Variants in DKK2 observed in about 807,000 individuals in gnomAD.
The protein encoded by DKK2 is dickkopf-related protein 2.
Under a neutral mutation model 28.1 loss-of-function variants are expected in DKK2, and 11 were observed. The ratio of observed to expected loss-of-function variants is 0.39; its 90% confidence interval spans 0.25 to 0.65. DKK2 has a LOEUF of 0.65. Among genes scored for constraint, DKK2 ranks in the 30% least tolerant of loss-of-function variants. The pLI is 0.47. For synonymous variants in DKK2, 135 were observed against 126.5 expected (o/e 1.07, Z -0.45); for missense variants, 326 against 335.5 (o/e 0.97, Z 0.22).
chr4:106,986,790 AT>A (rs1723127265), intron 1 of DKK2, among the ~76,000 whole-genome samples: 1 of 152,138 alleles, frequency 6.6e-6, no homozygotes, highest in Admixed American at 6.5e-5. Flanking sequence ...AGAATCCTTG[AT>A]TTATTATTCT....
chr4:107,017,079 T>C (rs1723619504), intron 1 of DKK2, among the ~76,000 whole-genome samples: 1 of 151,962 alleles, frequency 6.6e-6, no homozygotes, highest in African/African-American at 2.4e-5. Context: ...TAAATGAAAT[T>C]AGTTTGTCAT....
intron 1 of DKK2, among the ~76,000 whole-genome samples, chr4:106,998,328 TAGA>T (rs1456828673): frequency 2.0e-5 from 3 of 152,222 alleles, no homozygotes; most frequent in Non-Finnish European, 2.9e-5. Flanking sequence ...AATTTTCTTC[TAGA>T]AGAAGTATAC....
intron 1 of DKK2, among the ~76,000 whole-genome samples, chr4:107,031,355 T>C (rs1247967457): frequency 2.3e-4 from 35 of 151,988 alleles, no homozygotes; most frequent in Admixed American, 2.2e-3. Flanking sequence ...TATTAGAGTA[T>C]ATAGTTTATT....
intron 1 of DKK2, among the ~76,000 whole-genome samples, chr4:106,950,615 C>A (rs1431854787): frequency 6.6e-6 from 1 of 152,062 alleles, no homozygotes; most frequent in African/African-American, 2.4e-5. Context: ...CAGCCATGTT[C>A]ATCTTCCCGC....
intron 1 of DKK2, among the ~76,000 whole-genome samples, chr4:107,001,023 A>G (rs906277817): frequency 1.3e-5 from 2 of 151,952 alleles, no homozygotes; most frequent in African/African-American, 2.4e-5. Context: ...ATTTCTCACC[A>G]TAACATGTGG....
chr4:106,941,261 A>G lies in DKK2; in HGVS notation c.223-15312T>C, dbSNP rs60371426. Reference sequence around the variant, plus strand: ...TAAGTCTGTTTATTTTTCTGGAATAAGTTCTGGATTAAGATCATCATGTCT... The same window carrying G: ...TAAGTCTGTTTATTTTTCTGGAATAGGTTCTGGATTAAGATCATCATGTCT... On this transcript the variant is annotated intron_variant, in intron 1 of 3. Transcript: ENST00000285311. Among the ~76,000 whole-genome samples the G allele has an allele frequency of 4.9e-3, 751 of 152,196 alleles. 4 individuals carry two copies. The highest frequency in any genetic ancestry group is 0.017 in the African/African-American group (700 of 41,536).
At position 106,973,201 on chromosome 4, in the gene DKK2, G is replaced by C. The variant is rs1367950930; in HGVS notation, c.223-47252C>G. ...TGTGAATAGTGCTGCAATAAATCAA[G>C]TACATGTGTCTTTATAGTTGAATGA... On this transcript the variant is annotated intron_variant, in intron 1 of 3. Transcript: ENST00000285311. Among the ~76,000 whole-genome samples the C allele has an allele frequency of 3.9e-5, 6 of 151,942 alleles. No individual in the cohort carries two copies. The East Asian group carries it at 7.7e-4, about 20-fold the overall frequency.
intron 1 of DKK2, among the ~76,000 whole-genome samples, chr4:106,936,595 A>T (rs1391950556): frequency 6.6e-6 from 1 of 152,220 alleles, no homozygotes; most frequent in South Asian, 2.1e-4. Context: ...GCCAACATTC[A>T]GATTCAGGAA....
In DKK2 at chr4:106,939,218, A is replaced by G. The variant is rs1382013717; in HGVS notation, c.223-13269T>C. Reference sequence around the variant, plus strand: ...GACTGTATATCTAGAAAACCCCATTATCTCAGCCCAAAATCTCCTTAAGCT... The same window carrying G: ...GACTGTATATCTAGAAAACCCCATTGTCTCAGCCCAAAATCTCCTTAAGCT... On this transcript the variant is annotated intron_variant, in intron 1 of 3. Transcript: ENST00000285311. Among the ~76,000 whole-genome samples, 11 of 152,286 alleles carry G rather than the reference A, an allele frequency of 7.2e-5. No individual in the cohort carries two copies. In the South Asian group the frequency reaches 1.2e-3, roughly 17 times the overall value.
At chr4:106,927,867 AC>A (rs764567332) in intron 1 of DKK2, among the ~76,000 whole-genome samples, 77 of 152,214 alleles carry the variant, frequency 5.1e-4, no homozygotes, top group Non-Finnish European at 3.4e-4. Flanking sequence ...CAAAAATAGG[AC>A]ATGCTCTTTC....
chr4:106,933,673 TA>T (rs886446347), intron 1 of DKK2, among the ~76,000 whole-genome samples: 1 of 152,198 alleles, frequency 6.6e-6, no homozygotes, highest in African/African-American at 2.4e-5. Context: ...TCAAGTATGA[TA>T]AATAGATGAT....
chr4:106,940,277 C>A (rs552966393), intron 1 of DKK2, among the ~76,000 whole-genome samples: 1 of 152,284 alleles, frequency 6.6e-6, no homozygotes, highest in South Asian at 2.1e-4. Context: ...AAACAAATAA[C>A]CCCATCAAAA....
At chr4:106,952,042 G>C (rs1724867637) in intron 1 of DKK2, among the ~76,000 whole-genome samples, 1 of 152,130 alleles carries the variant, frequency 6.6e-6, no homozygotes. Flanking sequence ...TTGGATGTGA[G>C]CTTAGCAGTT....
chr4:106,943,525 T>C (rs1156948919), intron 1 of DKK2, among the ~76,000 whole-genome samples: 2 of 152,106 alleles, frequency 1.3e-5, no homozygotes, highest in Non-Finnish European at 2.9e-5. Flanking sequence ...ATTTTTAAAA[T>C]TGAAGTCCTA....
intron 1 of DKK2, among the ~76,000 whole-genome samples, chr4:107,007,065 T>C (rs1715821999): frequency 6.6e-6 from 1 of 151,974 alleles, no homozygotes; most frequent in African/African-American, 2.4e-5. Context: ...TCAGAGATAA[T>C]GAATAAAATA....
chr4:106,985,228 A>AG (rs1723099094), intron 1 of DKK2, among the ~76,000 whole-genome samples: 1 of 151,234 alleles, frequency 6.6e-6, no homozygotes, highest in South Asian at 2.1e-4. Flanking sequence ...AAAAAAAAAA[A>AG]GATTATAGGC....
intron 1 of DKK2, among the ~76,000 whole-genome samples, chr4:106,945,479 A>G (rs979123665): frequency 6.6e-6 from 1 of 152,126 alleles, no homozygotes; most frequent in Non-Finnish European, 1.5e-5. Context: ...GCATCTGTAC[A>G]TAGAGCTTTT....
intron 1 of DKK2, among the ~76,000 whole-genome samples, chr4:106,937,460 C>G (rs1225448592): frequency 7.7e-6 from 1 of 130,344 alleles, no homozygotes; most frequent in Non-Finnish European, 1.6e-5. Context: ...CACCAAGATT[C>G]ATAAAGCAAG....
intron 1 of DKK2, among the ~76,000 whole-genome samples, chr4:107,034,668 T>C (rs1021302195): frequency 1.3e-5 from 2 of 152,200 alleles, no homozygotes; most frequent in East Asian, 3.9e-4. Flanking sequence ...GTGATTTATG[T>C]ACAATTCTGC....
Sources: gnomAD v4.1 joint callset for allele counts (sites outside exome capture counted in the v4.1 genomes callset) on GRCh38, gnomAD v4.1.1 for gene constraint, MANE v1.5 for transcripts, NCBI Gene and HGNC (gene_info 2026-07-23, HGNC 2026-07-21) for gene names.